Variants in PPFIA2 observed in about 807,000 individuals in gnomAD.
The protein encoded by PPFIA2 is liprin-alpha-2.
In PPFIA2, 46 loss-of-function variants were observed where a neutral mutation model predicts 175.5. The ratio of observed to expected loss-of-function variants is 0.26; its 90% CI spans 0.21 to 0.34. The LOEUF is 0.34. Among genes scored for constraint, PPFIA2 ranks in the 10% least tolerant of loss-of-function variants. The pLI is 1.00. For missense variants in PPFIA2, 1,179 were observed against 1,506.1 expected (o/e 0.78, Z 3.60); for synonymous variants, 568 against 511.4 (o/e 1.11, Z -1.49).
chr12:81,336,422 T>C (rs1011742578), intron 21 of PPFIA2, among the ~76,000 whole-genome samples: 2 of 152,194 alleles, frequency 1.3e-5, no homozygotes, highest in African/African-American at 4.8e-5. Flanking sequence ...GAGTTATCCA[T>C]ACAATCACAT....
chr12:81,739,476 T>A (rs1472052717), intron 3 of PPFIA2, among the ~76,000 whole-genome samples: 2 of 152,016 alleles, frequency 1.3e-5, no homozygotes. Context: ...ACAAAGATAA[T>A]ATAATTTTGA....
intron 4 of PPFIA2, among the ~76,000 whole-genome samples, chr12:81,637,669 A>T (rs550763689): frequency 1.3e-5 from 2 of 152,248 alleles, no homozygotes; most frequent in South Asian, 2.1e-4. Context: ...TTGTTCATCC[A>T]TTTATACTGA....
intron 17 of PPFIA2, among the ~76,000 whole-genome samples, chr12:81,352,423 A>G (rs1001120743): frequency 5.3e-5 from 8 of 151,212 alleles, no homozygotes; most frequent in Middle Eastern, 3.4e-3. Context: ...GAATTAATAT[A>G]TTAATGTTCT....
intron 4 of PPFIA2, among the ~76,000 whole-genome samples, chr12:81,512,119 C>A (rs2061862210): frequency 6.6e-6 from 1 of 151,992 alleles, no homozygotes; most frequent in Admixed American, 6.6e-5. Flanking sequence ...TTTCTGCCTG[C>A]TTTTAAGTTT....
At chr12:81,584,825 T>C (rs1216858642) in intron 4 of PPFIA2, among the ~76,000 whole-genome samples, 1 of 128,880 alleles carries the variant, frequency 7.8e-6, no homozygotes, top group East Asian at 2.1e-4. Context: ...ACAATAAATT[T>C]ATTATATTTA....
chr12:81,729,277 A>T (rs1240333322), intron 3 of PPFIA2, among the ~76,000 whole-genome samples: 2 of 151,514 alleles, frequency 1.3e-5, no homozygotes, highest in Admixed American at 1.3e-4. Context: ...CTTAGAAGGC[A>T]CACTAACCAT....
intron 4 of PPFIA2, among the ~76,000 whole-genome samples, chr12:81,542,409 T>G (rs1324323816): frequency 2.6e-5 from 4 of 152,192 alleles, no homozygotes; most frequent in Admixed American, 2.0e-4. Context: ...TTTAAGCCAC[T>G]GATTTTGTGG....
intron 4 of PPFIA2, among the ~76,000 whole-genome samples, chr12:81,556,663 C>A (rs529655682): frequency 1.3e-5 from 2 of 151,576 alleles, no homozygotes; most frequent in African/African-American, 2.4e-5. Context: ...TATATCTACC[C>A]CCTACATTAA....
chr12:81,683,078 A>T (rs1046825154), intron 3 of PPFIA2, among the ~76,000 whole-genome samples: 2 of 152,066 alleles, frequency 1.3e-5, no homozygotes, highest in African/African-American at 4.8e-5. Flanking sequence ...ACTTAGATGT[A>T]TTATAGCCAT....
At chr12:81,344,952 G>T (rs147247885) in intron 18 of PPFIA2, among the ~76,000 whole-genome samples, 1,635 of 152,178 alleles carry the variant, frequency 0.011, 19 homozygotes, top group Non-Finnish European at 0.017. Context: ...TGGATACGAG[G>T]CATGGACCCT....
At chr12:81,520,526 T>C (rs1250464776) in intron 4 of PPFIA2, among the ~76,000 whole-genome samples, 2 of 152,230 alleles carry the variant, frequency 1.3e-5, no homozygotes, top group Non-Finnish European at 2.9e-5. Flanking sequence ...AAACACTTGT[T>C]CTTTCCTTCC....
intron 4 of PPFIA2, among the ~76,000 whole-genome samples, chr12:81,508,964 C>G (rs953691831): frequency 4.6e-5 from 7 of 151,966 alleles, no homozygotes; most frequent in Non-Finnish European, 7.4e-5. Context: ...AAATGTCCAA[C>G]AACGATAGAC....
chr12:81,374,694 C>T lies in PPFIA2; in HGVS notation c.1206G>A (p.Lys402=). 1 of 1,613,384 alleles carries T rather than the reference C, an allele frequency of 6.2e-7. No individual in the cohort carries two copies. Among genetic ancestry groups the T allele is most frequent in the Non-Finnish European group, 8.5e-7 (1 of 1,179,580 alleles). ...AEQKLQQTMR[K]AETLPEVEAE... is the part of the protein sequence containing the mutation. ...CCTCTACTTCAGGCAAGGTTTCAGC[C>T]TTTCTCATGGTCTGCTGCAACTTTT... is the stretch of plus-strand genomic sequence containing the variant. The change falls in exon 11 of 33, where the codon AAG becomes AAA. Residue 402 remains lysine, a synonymous_variant. Transcript: ENST00000549396.
Position 81,384,228 on chromosome 12 carries a change from G to A in PPFIA2, c.779C>T (p.Ser260Phe). The A allele has an allele frequency of 6.3e-7, 1 of 1,588,502 alleles. No homozygotes were observed. Among genetic ancestry groups the A allele is most frequent in the Non-Finnish European group, 8.6e-7 (1 of 1,164,402 alleles). Reference protein sequence around the residue: ...KVHEKRLSNGSIDSTDETSQI... With the variant: ...KVHEKRLSNGFIDSTDETSQI... ...ACTAGTTTCATCGGTTGAGTCTATA[G>A]AACCATTGGACAAACGCTGCAGAAA... Residue 260 changes from serine to phenylalanine, a missense_variant, in exon 9 of 33, where the codon TCT (serine) becomes TTT (phenylalanine). By Grantham distance (155) the Ser-to-Phe change is radical. This residue lies in a region of PPFIA2 where 226 missense variants were observed against 216.6 expected (regional missense o/e 1.04). Coordinates refer to ENST00000549396, the MANE Select transcript of PPFIA2 (RefSeq NM_003625.5).
chr12:81,605,778 C>T (rs1197505000), intron 4 of PPFIA2, among the ~76,000 whole-genome samples: 2 of 151,764 alleles, frequency 1.3e-5, no homozygotes, highest in African/African-American at 2.4e-5. Context: ...AGCTTTATAT[C>T]ATGAGTTCTA....
At chr12:81,524,754 T>G (rs900393184) in intron 4 of PPFIA2, among the ~76,000 whole-genome samples, 11 of 152,204 alleles carry the variant, frequency 7.2e-5, no homozygotes, top group Non-Finnish European at 1.0e-4. Flanking sequence ...CATGCCTTTT[T>G]GGGGGATGGG....
intron 8 of PPFIA2, among the ~76,000 whole-genome samples, chr12:81,398,275 T>G (rs1204675121): frequency 1.3e-5 from 2 of 152,096 alleles, no homozygotes; most frequent in African/African-American, 4.8e-5. Flanking sequence ...AAATGTTTGC[T>G]GAAGACATTA....
chr12:81,640,876 T>C (rs1195748179), intron 4 of PPFIA2, among the ~76,000 whole-genome samples: 2 of 152,156 alleles, frequency 1.3e-5, no homozygotes, highest in Non-Finnish European at 2.9e-5. Flanking sequence ...CAGTTTTTTT[T>C]TGCAAATGAA....
At chr12:81,636,675 C>CA (rs968642993) in intron 4 of PPFIA2, among the ~76,000 whole-genome samples, 20 of 151,868 alleles carry the variant, frequency 1.3e-4, no homozygotes, top group Non-Finnish European at 1.9e-4. Flanking sequence ...TGTTTTGAGA[C>CA]AGAGTCTTGT....
Sources: allele counts gnomAD v4.1 joint callset (sites outside exome capture counted in the v4.1 genomes callset), GRCh38; gene constraint gnomAD v4.1.1; regional missense constraint gnomAD v4.1.1; transcripts MANE v1.5; gene names NCBI Gene and HGNC (gene_info 2026-07-23, HGNC 2026-07-21).